Variants in WDTC1 observed in about 807,000 individuals in gnomAD.
WDTC1 encodes WD and tetratricopeptide repeats protein 1.
Under a neutral mutation model 76.0 loss-of-function variants are expected in WDTC1, and 12 were observed. That is an observed-to-expected ratio of 0.16 (90% CI 0.10 to 0.26). WDTC1 has a LOEUF of 0.26. WDTC1 is among the 10% of genes least tolerant of loss of function. The pLI, the probability that WDTC1 is intolerant of heterozygous loss-of-function variation, is 1.00. For missense variants in WDTC1, 511 were observed against 908.8 expected, an observed-to-expected ratio of 0.56 and a Z score of 5.63; for synonymous variants, 326 against 350.8, an observed-to-expected ratio of 0.93 and a Z score of 0.79.
chr1:27,296,261 T>C, intron 9 of WDTC1, 65 bp from the exon 10 acceptor site: 1 of 1,589,736 alleles, frequency 6.3e-7, no homozygotes, highest in Non-Finnish European at 8.6e-7. Flanking sequence ...CAAGACCTGC[T>C]TACTGGTTCA....
At chr1:27,243,507 C>T (rs1291298931) in intron 1 of WDTC1, among the ~76,000 whole-genome samples, 3 of 152,070 alleles carry the variant, frequency 2.0e-5, no homozygotes, top group Non-Finnish European at 4.4e-5. Flanking sequence ...CCACCACACC[C>T]GGCCCAGTAA....
chr1:27,300,820 G>A (rs866960170), intron 12 of WDTC1, among the ~76,000 whole-genome samples: 6 of 152,340 alleles, frequency 3.9e-5, no homozygotes, highest in South Asian at 2.1e-4. Flanking sequence ...CTTGGATGTG[G>A]CTTTGAAGGC....
chr1:27,298,970 C>T (rs868147153), intron 12 of WDTC1, among the ~76,000 whole-genome samples: 10 of 152,194 alleles, frequency 6.6e-5, no homozygotes, highest in Non-Finnish European at 4.4e-5. Context: ...GGGGAAGATG[C>T]TGTCCCCCGG....
At chr1:27,241,063 GT>G (rs1372725185) in intron 1 of WDTC1, among the ~76,000 whole-genome samples, 1 of 151,984 alleles carries the variant, frequency 6.6e-6, no homozygotes, top group Admixed American at 6.6e-5. Flanking sequence ...CAGAGGCCCT[GT>G]GCAAAGAAAA....
chr1:27,261,625 C>T (rs2012477350), intron 2 of WDTC1, among the ~76,000 whole-genome samples: 1 of 152,076 alleles, frequency 6.6e-6, no homozygotes, highest in Admixed American at 6.6e-5. Context: ...TGAAGTAGCC[C>T]CAGGCTTTGT....
chr1:27,289,005 G>T (rs553515062), intron 6 of WDTC1, among the ~76,000 whole-genome samples: 3 of 145,424 alleles, frequency 2.1e-5, no homozygotes, highest in African/African-American at 7.7e-5. Context: ...CCTCCCTCCC[G>T]GACGGGGCGG....
At chr1:27,255,430 C>T (rs1046046817) in intron 1 of WDTC1, 1 of 152,084 alleles carries the variant, frequency 6.6e-6, no homozygotes, top group Non-Finnish European at 1.5e-5. Flanking sequence ...AAAATTATGA[C>T]AGTAAGAGCA....
At chr1:27,285,741 C>A (rs1359520438) in intron 5 of WDTC1, among the ~76,000 whole-genome samples, 1 of 151,658 alleles carries the variant, frequency 6.6e-6, no homozygotes, top group Non-Finnish European at 1.5e-5. Context: ...CATACACCAC[C>A]ACACCCGGCT....
intron 14 of WDTC1, 47 bp from the exon 15 acceptor site, chr1:27,304,947 GAGGCTGT>G: frequency 6.5e-7 from 1 of 1,545,602 alleles, no homozygotes; most frequent in South Asian, 1.2e-5. Context: ...GCCTCTACTT[GAGGCTGT>G]AGGGCAGTAC....
chr1:27,275,682 C>T (rs1008937938), intron 3 of WDTC1, among the ~76,000 whole-genome samples: 12 of 151,756 alleles, frequency 7.9e-5, no homozygotes, highest in Admixed American at 1.3e-4. Flanking sequence ...GATTTCCTTT[C>T]GTGAGGACTG....
chr1:27,246,036 G>A (rs1207732580), intron 1 of WDTC1, among the ~76,000 whole-genome samples: 2 of 152,110 alleles, frequency 1.3e-5, no homozygotes, highest in Non-Finnish European at 2.9e-5. Context: ...TTTTACAAAC[G>A]GCAGAATAGA....
chr1:27,288,037 C>A (rs1362419208), intron 6 of WDTC1, among the ~76,000 whole-genome samples, 176 bp downstream of exon 6: 1 of 152,152 alleles, frequency 6.6e-6, no homozygotes, highest in Non-Finnish European at 1.5e-5. Flanking sequence ...CCGCCCTCAC[C>A]TTCCTCCCTC....
chr1:27,269,282 C>T (rs558542762), intron 3 of WDTC1, among the ~76,000 whole-genome samples: 1 of 147,430 alleles, frequency 6.8e-6, no homozygotes, highest in South Asian at 2.2e-4. Flanking sequence ...GTTGAAGCTG[C>T]AGTGAGCCAT....
chr1:27,297,066 T>G lies in WDTC1; in HGVS notation c.968T>G (p.Met323Arg), dbSNP rs2013712061. Residue 323 changes from methionine to arginine, a missense_variant, in exon 11 of 16, where the codon ATG (methionine) becomes AGG (arginine). Met to Arg is a moderately conservative substitution (Grantham distance 91). Transcript: ENST00000319394. ...CTGCCAGAAGTCCAGAATGGCAAGA[T>G]GTCCACCAACGGTGTGTCCAACGGT... The part of the protein sequence containing the change: ...HSSGEVQNGK[M>R]STNGVSNGVS... The G allele has an allele frequency of 6.2e-7, 1 of 1,614,092 alleles. No homozygotes were observed.
At chr1:27,249,965 C>T (rs1227509008) in intron 1 of WDTC1, among the ~76,000 whole-genome samples, 2 of 152,088 alleles carry the variant, frequency 1.3e-5, no homozygotes, top group Non-Finnish European at 2.9e-5. Context: ...GCGTTTCAAA[C>T]CTAACAGGTG....
At chr1:27,299,205 T>C (rs1464331600) in intron 12 of WDTC1, among the ~76,000 whole-genome samples, 2 of 152,228 alleles carry the variant, frequency 1.3e-5, no homozygotes, top group Non-Finnish European at 2.9e-5. Context: ...CCTCAGCATG[T>C]TCTCTGAGCT....
At chr1:27,248,556 A>G (rs986565086) in intron 1 of WDTC1, among the ~76,000 whole-genome samples, 1 of 151,034 alleles carries the variant, frequency 6.6e-6, no homozygotes, top group African/African-American at 2.5e-5. Flanking sequence ...GACCTTTGTC[A>G]GATGCATAGT....
rs139665541 is a variant in WDTC1, at chr1:27,235,394, C to CTGTGTG, written c.-100+481_-100+486dup. ...TCTTTCTGTTTTTCTCTCTCTCTTT[C>CTGTGTG]TGTGTGTGTGTGTGTGTGTGTGTGT... On this transcript the variant is annotated intron_variant, in intron 1 of 15. Transcript: ENST00000319394. Among the ~76,000 whole-genome samples, 535 of 141,216 alleles carry CTGTGTG rather than the reference C, an allele frequency of 3.8e-3. 1 individual carries two copies. Among genetic ancestry groups the CTGTGTG allele is most frequent in the Non-Finnish European group, 5.6e-3 (367 of 65,134 alleles). 92.6% of individuals were successfully genotyped at this position (141,216 alleles called of 152,430 possible).
At chr1:27,263,856 A>G (rs1346307787) in intron 3 of WDTC1, among the ~76,000 whole-genome samples, 2 of 152,190 alleles carry the variant, frequency 1.3e-5, no homozygotes, top group Non-Finnish European at 1.5e-5. Context: ...TAGAATTTAT[A>G]GTGTTTTCAT....
Sources: allele counts gnomAD v4.1 joint callset (sites outside exome capture counted in the v4.1 genomes callset), GRCh38; gene constraint gnomAD v4.1.1; transcripts MANE v1.5; gene names NCBI Gene and HGNC (gene_info 2026-07-23, HGNC 2026-07-21).